The following DPP10 variants were observed in gnomAD, a reference collection of about 807,000 sequenced individuals.
DPP10 encodes the protein dipeptidyl peptidase like 10, also known as inactive dipeptidyl peptidase 10.
In DPP10, 33 loss-of-function variants were observed where a neutral mutation model predicts 120.9. The ratio of observed to expected loss-of-function variants is 0.27; its 90% CI spans 0.21 to 0.37. DPP10 has a LOEUF of 0.37. Among genes scored for constraint, DPP10 ranks in the 10% least tolerant of loss-of-function variants. DPP10 has a pLI of 1.00. For synonymous variants in DPP10, 337 were observed against 326.1 expected, an observed-to-expected ratio of 1.03 and a Z score of -0.36; for missense variants, 816 against 942.8, an observed-to-expected ratio of 0.87 and a Z score of 1.76.
At chr2:114,484,317 G>A (rs1681313417) in intron 1 of DPP10, among the ~76,000 whole-genome samples, 1 of 152,088 alleles carries the variant, frequency 6.6e-6, no homozygotes, top group Admixed American at 6.6e-5. Flanking sequence ...GAATGTAAGT[G>A]GAAACTGAGG....
At chr2:114,849,262 G>A (rs150253129) in intron 1 of DPP10, among the ~76,000 whole-genome samples, 260 of 152,178 alleles carry the variant, frequency 1.7e-3, no homozygotes, top group Non-Finnish European at 3.1e-3. Flanking sequence ...TAAAATAATT[G>A]TTCTGGGTCT....
chr2:115,284,848 T>C (rs1028344254), intron 1 of DPP10, among the ~76,000 whole-genome samples: 3 of 152,068 alleles, frequency 2.0e-5, no homozygotes, highest in African/African-American at 7.2e-5. Flanking sequence ...TTATTGGCCC[T>C]TATTCTTCTT....
intron 5 of DPP10, among the ~76,000 whole-genome samples, chr2:115,637,314 G>A (rs1222600660): frequency 6.6e-6 from 1 of 152,074 alleles, no homozygotes; most frequent in Non-Finnish European, 1.5e-5. Context: ...ATAGGAAGGG[G>A]AGTAAAGTAA....
At chr2:115,217,936 G>T (rs1021076727) in intron 1 of DPP10, among the ~76,000 whole-genome samples, 4 of 152,096 alleles carry the variant, frequency 2.6e-5, no homozygotes, top group African/African-American at 9.7e-5. Flanking sequence ...CCCACGTCAT[G>T]CTCTGCTTCA....
chr2:115,012,735 C>G (rs1285805430), intron 1 of DPP10, among the ~76,000 whole-genome samples: 1 of 152,108 alleles, frequency 6.6e-6, no homozygotes, highest in Non-Finnish European at 1.5e-5. Context: ...ACCAGAAAAT[C>G]AATTCTGGTA....
rs568328626 is a variant in DPP10, at chr2:115,246,764, T to A, written c.61-62475T>A. On this transcript the variant is annotated intron_variant, in intron 1 of 25. Coordinates refer to ENST00000410059, the MANE Select transcript of DPP10 (RefSeq NM_020868.6). The stretch of plus-strand genomic sequence containing the variant: ...TATTTTACTATATGTATACTTATTT[T>A]ACCCATTATTATACAATGCTACATA... 6.8e-4 allele frequency among the ~76,000 whole-genome samples: 104 copies of A among 152,300 alleles called. No individual in the cohort carries two copies. The Middle Eastern group carries it at 0.01, about 15-fold the overall frequency.
intron 3 of DPP10, among the ~76,000 whole-genome samples, chr2:115,417,819 A>AGT (rs1559573539): frequency 6.6e-6 from 1 of 152,176 alleles, no homozygotes; most frequent in African/African-American, 2.4e-5. Context: ...GTCTTTTCCA[A>AGT]GTGTGCGGTC....
intron 1 of DPP10, among the ~76,000 whole-genome samples, chr2:115,009,890 G>A (rs1174253449): frequency 6.6e-6 from 1 of 152,088 alleles, no homozygotes; most frequent in Non-Finnish European, 1.5e-5. Context: ...TTTTTTTAAA[G>A]AAAATAAAAT....
At chr2:115,744,702 A>G (rs1471559059) in intron 9 of DPP10, among the ~76,000 whole-genome samples, 1 of 150,418 alleles carries the variant, frequency 6.6e-6, no homozygotes, top group Non-Finnish European at 1.5e-5. Flanking sequence ...ACATTTATTG[A>G]GGAACTCCTG....
At chr2:114,453,377 C>T (rs1417605036) in intron 1 of DPP10, among the ~76,000 whole-genome samples, 1 of 152,136 alleles carries the variant, frequency 6.6e-6, no homozygotes, top group Non-Finnish European at 1.5e-5. Flanking sequence ...AGTTTCCAAT[C>T]AATTTTCATT....
chr2:114,837,064 C>A (rs762634014), intron 1 of DPP10, among the ~76,000 whole-genome samples: 11 of 152,054 alleles, frequency 7.2e-5, no homozygotes, highest in Non-Finnish European at 1.3e-4. Context: ...GGAGTTAATG[C>A]AATCATCACA....
chr2:114,750,636 T>TCC (rs1679127733), intron 1 of DPP10, among the ~76,000 whole-genome samples: 5 of 152,172 alleles, frequency 3.3e-5, no homozygotes, highest in African/African-American at 9.7e-5. Context: ...CCCAGCCACA[T>TCC]CAATACTTTT....
At chr2:115,276,211 C>T (rs1412921327) in intron 1 of DPP10, among the ~76,000 whole-genome samples, 1 of 152,078 alleles carries the variant, frequency 6.6e-6, no homozygotes, top group Admixed American at 6.6e-5. Flanking sequence ...TATAAAGATA[C>T]ACAGAACCCG....
In DPP10 at chr2:114,879,700, GA is replaced by G. The variant is rs920489552; in HGVS notation, c.61-429531del. ...TGAAATACTTGACAGAAAATTGAAAGAAAAAAAACAGAAAATGTGATTGAGA... is the reference window on the plus strand; with the variant it reads ...TGAAATACTTGACAGAAAATTGAAAGAAAAAAACAGAAAATGTGATTGAGA... On this transcript the variant is annotated intron_variant, in intron 1 of 25. Transcript: ENST00000410059. Among the ~76,000 whole-genome samples the G allele has an allele frequency of 2.7e-4, 41 of 151,480 alleles. 1 individual carries two copies. The highest frequency in any genetic ancestry group is 3.4e-3 in the Middle Eastern group (1 of 292).
rs578253412 is a variant in DPP10 at position 115,383,758 on chromosome 2, A to G, written c.271+39846A>G. Among the ~76,000 whole-genome samples the G allele has an allele frequency of 3.2e-4, 49 of 152,268 alleles. 1 individual carries two copies. In the South Asian group the frequency reaches 9.3e-3, roughly 29 times the overall value. On this transcript the variant is annotated intron_variant, in intron 3 of 25. Transcript: ENST00000410059. ...TTTAATAATTTGATTTTTAATGTGTATCTCTTATATAATAATGATTTTGAG... is the reference window on the plus strand; with the variant it reads ...TTTAATAATTTGATTTTTAATGTGTGTCTCTTATATAATAATGATTTTGAG...
chr2:114,991,589 G>T (rs1700758316), intron 1 of DPP10, among the ~76,000 whole-genome samples: 1 of 152,194 alleles, frequency 6.6e-6, no homozygotes, highest in Non-Finnish European at 1.5e-5. Context: ...AACTTTGGAA[G>T]ATGTTATTAG....
At chr2:114,660,445 T>C (rs1006975321) in intron 1 of DPP10, among the ~76,000 whole-genome samples, 3 of 152,182 alleles carry the variant, frequency 2.0e-5, no homozygotes, top group Non-Finnish European at 2.9e-5. Context: ...TTTGTGGGCT[T>C]AAGACCAGGT....
chr2:115,587,773 A>G (rs571994525), intron 5 of DPP10, among the ~76,000 whole-genome samples: 1 of 152,226 alleles, frequency 6.6e-6, no homozygotes, highest in African/African-American at 2.4e-5. Context: ...ATGTCTTTCC[A>G]TAAAGTGTTT....
chr2:114,780,942 G>A (rs1682273398), intron 1 of DPP10, among the ~76,000 whole-genome samples: 1 of 152,046 alleles, frequency 6.6e-6, no homozygotes, highest in Non-Finnish European at 1.5e-5. Context: ...GAATAGAATG[G>A]TGAATGAGAC....
Sources: allele counts gnomAD v4.1 joint callset (sites outside exome capture counted in the v4.1 genomes callset), GRCh38; gene constraint gnomAD v4.1.1; transcripts MANE v1.5; gene names NCBI Gene and HGNC (gene_info 2026-07-23, HGNC 2026-07-21).